The following CLVS1 variants were observed in gnomAD, a reference collection of about 807,000 sequenced individuals.
CLVS1 encodes the protein clavesin 1.
In CLVS1, 10 loss-of-function variants were observed where a neutral mutation model predicts 33.1. The ratio of observed to expected loss-of-function variants is 0.30; its 90% CI spans 0.19 to 0.51. The LOEUF is 0.51. CLVS1 is among the 20% of genes least tolerant of loss of function. The probability of loss-of-function intolerance (pLI) is 0.97; values close to 1 mark genes in which losing one functional copy is unlikely to be tolerated. For missense variants in CLVS1, 343 were observed against 433.4 expected, an observed-to-expected ratio of 0.79 and a Z score of 1.85; for synonymous variants, 163 against 166.1, an observed-to-expected ratio of 0.98 and a Z score of 0.14.
At chr8:61,019,464 ACTT>A in the CLVS1 span, among the ~76,000 whole-genome samples, 5 of 152,176 alleles carry the variant, frequency 3.3e-5, no homozygotes, top group Non-Finnish European at 7.3e-5. Context: ...AAAAAAATAA[ACTT>A]CATCCTGTGT....
chr8:61,408,215 G>C (rs1022292788), intron 3 of CLVS1, among the ~76,000 whole-genome samples: 1 of 152,130 alleles, frequency 6.6e-6, no homozygotes, highest in Non-Finnish European at 1.5e-5. Context: ...GTGATAGCAA[G>C]AAGACAAAAC....
chr8:61,291,773 C>T (rs1810000603), intron 1 of CLVS1, among the ~76,000 whole-genome samples: 1 of 152,002 alleles, frequency 6.6e-6, no homozygotes, highest in Non-Finnish European at 1.5e-5. Flanking sequence ...GAGTAATTAA[C>T]AGGGTGATCT....
intron 3 of CLVS1, among the ~76,000 whole-genome samples, chr8:61,394,837 C>G (rs1200396781): frequency 6.6e-6 from 1 of 151,980 alleles, no homozygotes; most frequent in Non-Finnish European, 1.5e-5. Context: ...CACATCCTCA[C>G]CAACACTTAT....
intron 2 of CLVS1, among the ~76,000 whole-genome samples, chr8:61,198,789 G>A (rs1195354204): frequency 2.6e-5 from 4 of 152,044 alleles, no homozygotes; most frequent in Admixed American, 2.0e-4. Flanking sequence ...CCATATGTTA[G>A]TCCCCACTTA....
At chr8:61,149,412 T>C (rs1585644706) in intron 2 of CLVS1, among the ~76,000 whole-genome samples, 1 of 148,960 alleles carries the variant, frequency 6.7e-6, no homozygotes. Context: ...ATTAACCAGG[T>C]GTGGTGGTGC....
chr8:61,430,743 T>G (rs1477052076), intron 3 of CLVS1, among the ~76,000 whole-genome samples: 2 of 152,138 alleles, frequency 1.3e-5, no homozygotes, highest in Admixed American at 1.3e-4. Context: ...TGTGCCCTAA[T>G]CTCAGACAAA....
chr8:61,036,857 G>A, the CLVS1 span, among the ~76,000 whole-genome samples: 18 of 152,176 alleles, frequency 1.2e-4, no homozygotes, highest in African/African-American at 4.3e-4. Flanking sequence ...ATTTAACACA[G>A]CTTATCATTC....
the CLVS1 span, among the ~76,000 whole-genome samples, chr8:61,045,386 C>A: frequency 6.6e-6 from 1 of 152,198 alleles, no homozygotes; most frequent in Non-Finnish European, 1.5e-5. Flanking sequence ...TCACCTATAA[C>A]ATCTCTTTGG....
chr8:61,384,815 AG>A (rs1197455771), intron 3 of CLVS1, among the ~76,000 whole-genome samples: 1 of 152,212 alleles, frequency 6.6e-6, no homozygotes, highest in African/African-American at 2.4e-5. Context: ...GACTGAGAAA[AG>A]AACCCAAGTG....
At chr8:61,098,402 G>GATATATATATATATATATATATAT (rs59671943) in intron 1 of CLVS1, among the ~76,000 whole-genome samples, 1 of 143,970 alleles carries the variant, frequency 6.9e-6, no homozygotes, top group African/African-American at 2.6e-5. Context: ...TAGGGAAACT[G>GATATATATATATATATATATATAT]ATATATATAT....
chr8:61,268,798 G>T (rs1809368431), intron 2 of CLVS1, among the ~76,000 whole-genome samples: 1 of 90,274 alleles, frequency 1.1e-5, no homozygotes, highest in Admixed American at 1.3e-4. Context: ...TGTGTTTTTT[G>T]GCTGCATAAA....
chr8:61,367,603 C>G (rs569799975), intron 2 of CLVS1, among the ~76,000 whole-genome samples: 1 of 152,336 alleles, frequency 6.6e-6, no homozygotes, highest in South Asian at 2.1e-4. Context: ...ACCATCAGCA[C>G]TTTCTGTGCA....
chr8:61,378,903 C>G (rs1307316230), intron 3 of CLVS1, among the ~76,000 whole-genome samples: 1 of 152,178 alleles, frequency 6.6e-6, no homozygotes, highest in African/African-American at 2.4e-5. Context: ...GTAAGTGGTA[C>G]TAAGCAGAGT....
chr8:60,980,904 TAAGA>T, the CLVS1 span, among the ~76,000 whole-genome samples: 9,995 of 152,116 alleles, frequency 0.066, 381 homozygotes, highest in African/African-American at 0.088. Context: ...AGCACCCTCA[TAAGA>T]GAGAGGCAGA....
intron 2 of CLVS1, among the ~76,000 whole-genome samples, chr8:61,249,433 C>A (rs902933053): frequency 2.6e-5 from 4 of 152,166 alleles, no homozygotes; most frequent in Admixed American, 2.0e-4. Flanking sequence ...TGGATATATA[C>A]CCAGTAATGG....
chr8:61,365,776 C>CGTGT (rs112942345), intron 2 of CLVS1, among the ~76,000 whole-genome samples: 6 of 110,588 alleles, frequency 5.4e-5, no homozygotes, highest in African/African-American at 8.1e-5. Flanking sequence ...TGTGTGTGTG[C>CGTGT]GTGTGTGTGT....
chr8:61,176,972 C>T (rs1807124278), intron 2 of CLVS1, among the ~76,000 whole-genome samples: 1 of 152,102 alleles, frequency 6.6e-6, no homozygotes, highest in Non-Finnish European at 1.5e-5. Flanking sequence ...AGCACCACAG[C>T]CCAGCTGCCT....
the CLVS1 span, among the ~76,000 whole-genome samples, chr8:61,009,560 A>T: frequency 6.6e-6 from 1 of 152,122 alleles, no homozygotes; most frequent in Admixed American, 6.5e-5. Flanking sequence ...ATTTATTAGA[A>T]ATTTTTATTT....
chr8:61,096,912 C>T (rs966787090), intron 1 of CLVS1, among the ~76,000 whole-genome samples: 3 of 152,182 alleles, frequency 2.0e-5, no homozygotes, highest in Non-Finnish European at 4.4e-5. Flanking sequence ...GTCCTCTCCA[C>T]TAGCATCGTA....
Sources: gnomAD v4.1 joint callset for allele counts (sites outside exome capture counted in the v4.1 genomes callset) on GRCh38, gnomAD v4.1.1 for gene constraint, MANE v1.5 for transcripts, NCBI Gene and HGNC (gene_info 2026-07-23, HGNC 2026-07-21) for gene names.